The following SLC24A2 variants were observed in gnomAD, a reference collection of about 807,000 sequenced individuals.
The protein encoded by SLC24A2 is solute carrier family 24 member 2.
A neutral mutation model predicts 62.0 loss-of-function variants in SLC24A2; 36 were observed. The observed-to-expected ratio is 0.58, with a 90% confidence interval of 0.44 to 0.77. The LOEUF is 0.77. SLC24A2 is among the 30% of genes least tolerant of loss of function. The pLI, the probability that SLC24A2 is intolerant of heterozygous loss-of-function variation, is 0.00. For missense variants in SLC24A2, 846 were observed against 817.9 expected (o/e 1.03, Z -0.42); for synonymous variants, 358 against 294.0 (o/e 1.22, Z -2.23).
the SLC24A2 span, among the ~76,000 whole-genome samples, chr9:20,103,016 G>A: frequency 2.6e-5 from 4 of 152,182 alleles, no homozygotes; most frequent in Non-Finnish European, 5.9e-5. Context: ...TTTCCGATGG[G>A]CTTAAAAAAC....
chr9:20,189,076 CTTTTTT>C, the SLC24A2 span, among the ~76,000 whole-genome samples: 14 of 96,534 alleles, frequency 1.5e-4, no homozygotes, highest in African/African-American at 5.9e-4. Flanking sequence ...CTTTTTTTTT[CTTTTTT>C]TTTTTTTTTT....
chr9:20,104,329 C>G, the SLC24A2 span, among the ~76,000 whole-genome samples: 1 of 152,114 alleles, frequency 6.6e-6, no homozygotes, highest in African/African-American at 2.4e-5. Flanking sequence ...CCAACATTCA[C>G]ATTCAGGAAA....
chr9:19,693,115 A>C (rs566136454), intron 2 of SLC24A2, among the ~76,000 whole-genome samples: 73 of 152,106 alleles, frequency 4.8e-4, no homozygotes, highest in African/African-American at 1.7e-3. Context: ...TATTATTATT[A>C]TTCTTTAAGT....
rs551865423 is a variant in SLC24A2 at position 19,638,893 on chromosome 9, A to G, written c.931-16594T>C. On this transcript the variant is annotated intron_variant, in intron 2 of 10. Coordinates refer to ENST00000341998, the MANE Select transcript of SLC24A2 (RefSeq NM_020344.4). ...CTCCAACTGGAGCAATTAGCTATCTAAACTTGGAGATGGCAGGTAGCCAGG... is the reference window on the plus strand; with the variant it reads ...CTCCAACTGGAGCAATTAGCTATCTGAACTTGGAGATGGCAGGTAGCCAGG... Among the ~76,000 whole-genome samples, 15 of 152,318 alleles carry G rather than the reference A, an allele frequency of 9.8e-5. No homozygotes were observed. The South Asian group carries it at 2.3e-3, about 23-fold the overall frequency.
chr9:19,737,659 T>G (rs1395872899), intron 2 of SLC24A2, among the ~76,000 whole-genome samples: 1 of 152,042 alleles, frequency 6.6e-6, no homozygotes, highest in African/African-American at 2.4e-5. Context: ...TATCAAAAAA[T>G]TATTTTTTCA....
the SLC24A2 span, among the ~76,000 whole-genome samples, chr9:20,023,170 T>G: frequency 1.3e-5 from 2 of 152,208 alleles, no homozygotes; most frequent in Non-Finnish European, 2.9e-5. Context: ...ATTTTCATAA[T>G]AGATGTGAGT....
At chr9:19,895,947 C>A in the SLC24A2 span, 7 of 1,612,768 alleles carry the variant, frequency 4.3e-6, no homozygotes, top group Non-Finnish European at 5.9e-6. Flanking sequence ...GCTGCACGTG[C>A]TCCAGGGAGT....
chr9:20,234,965 G>A, the SLC24A2 span, among the ~76,000 whole-genome samples: 6 of 152,204 alleles, frequency 3.9e-5, no homozygotes, highest in Non-Finnish European at 4.4e-5. Context: ...TCAGCTGCAG[G>A]TCTGTTGGAG....
chr9:20,143,965 T>C, the SLC24A2 span, among the ~76,000 whole-genome samples: 2 of 152,218 alleles, frequency 1.3e-5, no homozygotes, highest in African/African-American at 4.8e-5. Context: ...TGATCTATGT[T>C]GAGTGCAAGC....
At chr9:20,298,968 A>T in the SLC24A2 span, among the ~76,000 whole-genome samples, 1 of 152,194 alleles carries the variant, frequency 6.6e-6, no homozygotes, top group Non-Finnish European at 1.5e-5. Flanking sequence ...AGGATCCTAG[A>T]GGACATGCGG....
chr9:19,668,184 C>A (rs528162696), intron 2 of SLC24A2, among the ~76,000 whole-genome samples: 1 of 152,280 alleles, frequency 6.6e-6, no homozygotes, highest in South Asian at 2.1e-4. Context: ...GTCTGTTACT[C>A]CTTATCTTCC....
chr9:20,118,103 C>T, the SLC24A2 span, among the ~76,000 whole-genome samples: 9 of 152,050 alleles, frequency 5.9e-5, no homozygotes, highest in Non-Finnish European at 1.0e-4. Flanking sequence ...AGTAAGTCAA[C>T]CTTCTGAACC....
chr9:19,809,875 T>TA, the SLC24A2 span, among the ~76,000 whole-genome samples: 23 of 152,136 alleles, frequency 1.5e-4, no homozygotes, highest in Non-Finnish European at 2.9e-4. Flanking sequence ...AGAGCTGTTT[T>TA]ACTTTCTCTT....
At chr9:20,179,001 A>T in the SLC24A2 span, among the ~76,000 whole-genome samples, 1 of 152,140 alleles carries the variant, frequency 6.6e-6, no homozygotes, top group Non-Finnish European at 1.5e-5. Context: ...CACTTGGGGA[A>T]TCTTCTTCAA....
At chr9:19,993,097 AT>A in the SLC24A2 span, among the ~76,000 whole-genome samples, 1 of 152,192 alleles carries the variant, frequency 6.6e-6, no homozygotes, top group Admixed American at 6.5e-5. Context: ...TAGCATCATA[AT>A]TGACCCTATT....
the SLC24A2 span, among the ~76,000 whole-genome samples, chr9:20,279,596 G>C: frequency 6.6e-6 from 1 of 152,206 alleles, no homozygotes; most frequent in African/African-American, 2.4e-5. Context: ...GATATTGCAA[G>C]TCCATCAACA....
the SLC24A2 span, among the ~76,000 whole-genome samples, chr9:20,200,517 G>A: frequency 6.6e-6 from 1 of 152,270 alleles, no homozygotes; most frequent in Admixed American, 6.5e-5. Flanking sequence ...CCAACTCCGT[G>A]TAACGGAAAG....
the SLC24A2 span, among the ~76,000 whole-genome samples, chr9:20,083,179 C>G: frequency 0.37 from 55,658 of 152,204 alleles, 10,429 homozygotes; most frequent in Middle Eastern, 0.5. Context: ...AGTACATATA[C>G]TCAGGGGAGA....
chr9:20,131,132 G>A, the SLC24A2 span, among the ~76,000 whole-genome samples: 6 of 151,224 alleles, frequency 4.0e-5, no homozygotes, highest in Admixed American at 6.6e-5. Flanking sequence ...TTCAAAGCAG[G>A]GCTTGCTTTT....
Sources: gnomAD v4.1 joint callset for allele counts (sites outside exome capture counted in the v4.1 genomes callset) on GRCh38, gnomAD v4.1.1 for gene constraint, MANE v1.5 for transcripts, NCBI Gene and HGNC (gene_info 2026-07-23, HGNC 2026-07-21) for gene names.